The following ATP13A3 variants were observed in gnomAD, a reference collection of about 807,000 sequenced individuals.
ATP13A3 encodes the protein ATPase 13A3, also known as polyamine-transporting ATPase 13A3.
ATP13A3 carries 59 observed loss-of-function variants against 158.1 expected under a neutral mutation model. The observed-to-expected ratio is 0.37, with a 90% CI of 0.30 to 0.46. ATP13A3 has a LOEUF of 0.46. ATP13A3 is among the 20% of genes least tolerant of loss of function. The pLI, the probability that ATP13A3 is intolerant of heterozygous loss-of-function variation, is 1.00. For missense variants in ATP13A3, 1,166 were observed against 1,525.2 expected, an observed-to-expected ratio of 0.76 and a Z score of 3.92; for synonymous variants, 491 against 504.3, an observed-to-expected ratio of 0.97 and a Z score of 0.35.
chr3:194,465,380 C>A (rs531357745), intron 2 of ATP13A3, among the ~76,000 whole-genome samples: 1 of 152,124 alleles, frequency 6.6e-6, no homozygotes, highest in East Asian at 1.9e-4. Context: ...GATGGACTCC[C>A]TCAAGCCTTC....
chr3:194,488,663 CCTT>C (rs1721097636), upstream of ATP13A3: 1 of 152,302 alleles, frequency 6.6e-6, no homozygotes. The surrounding 1 kb of genome is among the most constrained non-coding windows in gnomAD (Gnocchi z 4.1). Flanking sequence ...ATGACTCTCA[CCTT>C]CTGGAATCTC....
intron 3 of ATP13A3, among the ~76,000 whole-genome samples, chr3:194,461,816 A>C (rs1288111764): frequency 6.6e-6 from 1 of 152,180 alleles, no homozygotes; most frequent in Non-Finnish European, 1.5e-5. Flanking sequence ...AATTTTTGTA[A>C]GTCAAAATTA....
Position 194,449,505 on chromosome 3 carries a change from C to G in ATP13A3, c.970+640G>C, listed in dbSNP as rs549667956. On this transcript the variant is annotated intron_variant, in intron 11 of 33. Transcript: ENST00000645319. ...GACCAGCCTGGCCAACGTGGTGAAG[C>G]CGTCTCTACTAAGAATGCAAAAATT... is the stretch of plus-strand genomic sequence containing the variant. Among the ~76,000 whole-genome samples, 12 of 152,218 alleles carry G rather than the reference C, an allele frequency of 7.9e-5. No homozygotes were observed. The South Asian group carries it at 2.5e-3, about 32-fold the overall frequency.
Position 194,470,679 on chromosome 3 carries a change from T to C in ATP13A3, c.-46-8443A>G, listed in dbSNP as rs965181284. On this transcript the variant is annotated intron_variant, in intron 2 of 33. Coordinates refer to ENST00000645319, the MANE Select transcript of ATP13A3 (RefSeq NM_001367549.1). ...GTCACTGAGAGATTTTCTATTTCAA[T>C]TATTCAAGCTACTATGTTCTTAAAA... Among the ~76,000 whole-genome samples the C allele has an allele frequency of 5.9e-5, 9 of 152,346 alleles. No individual in the cohort carries two copies. In the East Asian group the frequency reaches 1.7e-3, roughly 29 times the overall value.
chr3:194,467,229 A>C (rs1042795740), intron 2 of ATP13A3, among the ~76,000 whole-genome samples: 1 of 152,218 alleles, frequency 6.6e-6, no homozygotes, highest in Non-Finnish European at 1.5e-5. Flanking sequence ...TAACTATTTA[A>C]AACTTTTTCT....
intron 2 of ATP13A3, among the ~76,000 whole-genome samples, chr3:194,471,343 A>AG (rs1553808018): frequency 8.7e-5 from 13 of 149,480 alleles, no homozygotes; most frequent in African/African-American, 1.8e-4. Flanking sequence ...AAAAAAAAAA[A>AG]AAAAGAAAAG....
At chr3:194,472,452 T>A (rs1403554818) in intron 2 of ATP13A3, among the ~76,000 whole-genome samples, 1 of 152,112 alleles carries the variant, frequency 6.6e-6, no homozygotes, top group African/African-American at 2.4e-5. Context: ...AGCCTTTGTA[T>A]ATGGCCTGCT....
intron 28 of ATP13A3, among the ~76,000 whole-genome samples, chr3:194,427,470 T>G (rs1261080897): frequency 6.6e-6 from 1 of 151,956 alleles, no homozygotes; most frequent in African/African-American, 2.4e-5. Flanking sequence ...AGGAATAATT[T>G]TTACATTTCT....
chr3:194,437,291 A>G lies in ATP13A3; in HGVS notation c.1999+20T>C, dbSNP rs765127476. ...TACTCAAATACCAGAATTGTACCCA[A>G]AGCATAGATATTTCCTTACCTGTTT... On this transcript the variant is annotated intron_variant, in intron 19 of 33. Transcript: ENST00000645319. 6.2e-7 allele frequency: 1 copy of G among 1,614,126 alleles called. No homozygotes were observed. The highest frequency in any genetic ancestry group is 8.5e-7 in the Non-Finnish European group (1 of 1,179,998).
intron 29 of ATP13A3, among the ~76,000 whole-genome samples, chr3:194,426,088 C>A (rs1716747560): frequency 6.6e-6 from 1 of 152,200 alleles, no homozygotes; most frequent in South Asian, 2.1e-4. Context: ...ACAATCATTA[C>A]TAAAGCATGA....
rs1331112150 is a variant in ATP13A3, at chr3:194,448,510, A to G, written c.1097T>C (p.Ile366Thr). 13 of 1,614,040 alleles carry G rather than the reference A, an allele frequency of 8.1e-6. No individual in the cohort carries two copies. The highest frequency in any genetic ancestry group is 1.1e-5 in the Non-Finnish European group (13 of 1,180,004). The stretch of plus-strand genomic sequence containing the variant: ...TTCTCCAGTGTAGAAACGAGTCTGA[A>G]TAACAGTTGTCCCACAAAACAAAGT... Reference protein sequence around the residue: ...RHTLFCGTTVIQTRFYTGELV... With the variant: ...RHTLFCGTTVTQTRFYTGELV... Residue 366 changes from isoleucine (I) to threonine (T), a missense_variant, in exon 12 of 34, where the codon ATT becomes ACT. Physicochemically the swap from Ile to Thr is moderately conservative, Grantham distance 89 (BLOSUM62 -1). Coordinates refer to ENST00000645319, the MANE Select transcript of ATP13A3 (RefSeq NM_001367549.1). The surrounding 1 kb of genome is among the most constrained non-coding windows in gnomAD (Gnocchi z 4.0).
intron 31 of ATP13A3, among the ~76,000 whole-genome samples, chr3:194,417,808 A>T (rs527718581): frequency 2.0e-5 from 3 of 152,158 alleles, no homozygotes; most frequent in African/African-American, 7.2e-5. Flanking sequence ...AAAAAATTTT[A>T]AAATTTGCTG....
chr3:194,454,988 G>C (rs1719119494), intron 8 of ATP13A3, among the ~76,000 whole-genome samples: 1 of 152,314 alleles, frequency 6.6e-6, no homozygotes, highest in South Asian at 2.1e-4. Flanking sequence ...TATGATTTTA[G>C]CCGTTCTGCA....
Position 194,409,774 on chromosome 3 carries a change from G to T in ATP13A3, c.3573+2425C>A, listed in dbSNP as rs138745323. Among the ~76,000 whole-genome samples the T allele has an allele frequency of 9.4e-4, 121 of 128,638 alleles. 1 individual carries two copies. Among genetic ancestry groups the T allele is most frequent in the African/African-American group, 3.6e-3 (119 of 32,816 alleles). 84.4% of individuals were successfully genotyped at this position (128,638 alleles called of 152,430 possible). On this transcript the variant is annotated intron_variant, in intron 33 of 33. Coordinates refer to ENST00000645319, the MANE Select transcript of ATP13A3 (RefSeq NM_001367549.1). ...GCTGCCAACTGTGACAACCAAAAAT[G>T]CCTCCAGACAATGCCAAATGTCCCC... is the stretch of plus-strand genomic sequence containing the variant.
chr3:194,431,665 G>T, intron 22 of ATP13A3, 52 bp downstream of exon 22: 1 of 1,419,320 alleles, frequency 7.0e-7, no homozygotes, highest in Non-Finnish European at 9.3e-7. Flanking sequence ...TATTTTTTCA[G>T]ACTAAATTTA....
chr3:194,406,164 G>A, intron 33 of ATP13A3, 48 bp from the exon 34 acceptor site: 2 of 1,589,796 alleles, frequency 1.3e-6, no homozygotes, highest in Non-Finnish European at 1.7e-6. Context: ...GTTGATTAAA[G>A]GCTTGTCGTT....
chr3:194,460,185 C>T (rs1719547999), intron 4 of ATP13A3, among the ~76,000 whole-genome samples: 1 of 152,076 alleles, frequency 6.6e-6, no homozygotes, highest in Non-Finnish European at 1.5e-5. Context: ...ACATATTTTA[C>T]CGATAAGCAC....
chr3:194,437,051 T>C (rs1268357604), intron 20 of ATP13A3, 44 bp downstream of exon 20: 16 of 1,592,458 alleles, frequency 1.0e-5, no homozygotes, highest in Admixed American at 1.7e-5. Flanking sequence ...AATATAACCA[T>C]AAATGATGAT....
intron 2 of ATP13A3, among the ~76,000 whole-genome samples, chr3:194,471,323 C>CT (rs1359191524): frequency 2.5e-4 from 18 of 71,502 alleles, no homozygotes; most frequent in Admixed American, 4.8e-4. Context: ...GCAGCAAATT[C>CT]TAAAAAAAAA....
Sources: gnomAD v4.1 joint callset for allele counts (sites outside exome capture counted in the v4.1 genomes callset) on GRCh38, gnomAD v4.1.1 for gene constraint, Gnocchi (gnomAD v3.1) non-coding constraint, MANE v1.5 for transcripts, NCBI Gene and HGNC (gene_info 2026-07-23, HGNC 2026-07-21) for gene names.